CDK14: variants seen among roughly 807,000 people sequenced by gnomAD.
CDK14 encodes the protein cyclin-dependent kinase 14.
In CDK14, 34 loss-of-function variants were observed where a neutral mutation model predicts 60.7. The observed-to-expected ratio is 0.56, with a 90% CI of 0.43 to 0.75. CDK14 has a LOEUF of 0.75. CDK14 is among the 30% of genes least tolerant of loss of function. The pLI is 0.00. For missense variants in CDK14, 482 were observed against 564.1 expected (o/e 0.85, Z 1.47); for synonymous variants, 197 against 203.7 (o/e 0.97, Z 0.28).
rs143546084 is a variant in CDK14, at chr7:90,908,963, C to A, written c.703-8638C>A. On this transcript the variant is annotated intron_variant, in intron 7 of 14. Coordinates refer to ENST00000380050, the MANE Select transcript of CDK14 (RefSeq NM_001287135.2). Reference sequence around the variant, plus strand: ...ATCTCTCTCTTTTTAGTTATACTAGCCTTCTCAGTTGATATTAAGATAATT... The same window carrying A: ...ATCTCTCTCTTTTTAGTTATACTAGACTTCTCAGTTGATATTAAGATAATT... Among the ~76,000 whole-genome samples the A allele has an allele frequency of 3.3e-5, 5 of 152,194 alleles. No individual in the cohort carries two copies. In the East Asian group the frequency reaches 9.6e-4, roughly 29 times the overall value.
intron 14 of CDK14, among the ~76,000 whole-genome samples, chr7:91,146,988 C>T (rs1226016792): frequency 2.0e-5 from 3 of 152,004 alleles, no homozygotes; most frequent in African/African-American, 4.8e-5. Flanking sequence ...TGCAGGATGT[C>T]GTAATCAAAC....
intron 11 of CDK14, among the ~76,000 whole-genome samples, chr7:91,056,481 A>G (rs1380621619): frequency 1.3e-5 from 2 of 152,126 alleles, no homozygotes; most frequent in African/African-American, 4.8e-5. Flanking sequence ...ATATGTATAC[A>G]TGTGCCATGT....
At chr7:91,187,660 G>T (rs1448274359) in intron 14 of CDK14, among the ~76,000 whole-genome samples, 1 of 152,156 alleles carries the variant, frequency 6.6e-6, no homozygotes, top group Non-Finnish European at 1.5e-5. Flanking sequence ...AAAGAGAAAG[G>T]AGAACAGCTC....
rs545087119 is a variant in CDK14, at chr7:91,110,009, A to G, written c.1155-2533A>G. ...AGATTGAAAAAAGTCTCCCATCACA[A>G]TGGGAGATTGAGAACCACCACCACC... On this transcript the variant is annotated intron_variant, in intron 12 of 14. Transcript: ENST00000380050. 2.8e-3 allele frequency among the ~76,000 whole-genome samples: 421 copies of G among 152,164 alleles called. 1 individual carries two copies. Among genetic ancestry groups the G allele is most frequent in the African/African-American group, 9.6e-3 (398 of 41,548 alleles).
At chr7:91,115,274 T>TG (rs1584082181) in intron 13 of CDK14, among the ~76,000 whole-genome samples, 1 of 152,290 alleles carries the variant, frequency 6.6e-6, no homozygotes, top group East Asian at 1.9e-4. Context: ...CTCTTGGGGA[T>TG]GGGAGGTCCA....
chr7:90,698,218 T>G (rs946617943), intron 2 of CDK14, among the ~76,000 whole-genome samples: 16 of 152,174 alleles, frequency 1.1e-4, no homozygotes, highest in African/African-American at 3.9e-4. Context: ...CTACTTAAAA[T>G]TATACTGTTC....
intron 2 of CDK14, among the ~76,000 whole-genome samples, chr7:90,655,710 G>A (rs749321208): frequency 2.0e-5 from 3 of 152,154 alleles, no homozygotes; most frequent in Non-Finnish European, 4.4e-5. Context: ...CACTTCTTTG[G>A]TTGTTAACAT....
intron 12 of CDK14, among the ~76,000 whole-genome samples, chr7:91,097,919 T>C (rs192609837): frequency 1.3e-5 from 2 of 152,312 alleles, no homozygotes; most frequent in South Asian, 2.1e-4. Flanking sequence ...TTCTGTGTAA[T>C]GGGAAGAGAT....
intron 2 of CDK14, among the ~76,000 whole-genome samples, chr7:90,696,887 T>C (rs1801669072): frequency 6.6e-6 from 1 of 151,516 alleles, no homozygotes; most frequent in Admixed American, 6.6e-5. Flanking sequence ...ACTACGGGAG[T>C]GTGGTATTTG....
intron 11 of CDK14, among the ~76,000 whole-genome samples, chr7:91,078,673 T>C (rs1292087087): frequency 3.9e-5 from 6 of 152,160 alleles, no homozygotes; most frequent in African/African-American, 1.4e-4. Flanking sequence ...TAAGTGCCAA[T>C]AGAGTTTCAA....
At chr7:91,035,355 G>A (rs546573242) in intron 10 of CDK14, among the ~76,000 whole-genome samples, 6 of 152,112 alleles carry the variant, frequency 3.9e-5, no homozygotes, top group Non-Finnish European at 8.8e-5. Flanking sequence ...CCTCATAAAG[G>A]TGCTGATTCC....
chr7:91,122,608 A>G (rs892195934), intron 14 of CDK14, among the ~76,000 whole-genome samples: 2 of 152,080 alleles, frequency 1.3e-5, no homozygotes, highest in Non-Finnish European at 2.9e-5. Context: ...ATGGCGGCTC[A>G]CTTTTTCTGT....
At chr7:90,794,014 G>A (rs1805941537) in intron 5 of CDK14, among the ~76,000 whole-genome samples, 1 of 152,032 alleles carries the variant, frequency 6.6e-6, no homozygotes, top group South Asian at 2.1e-4. Context: ...AGTGTCGGAT[G>A]GTCTGAGAAA....
chr7:91,194,432 T>G (rs552606376), intron 14 of CDK14, among the ~76,000 whole-genome samples: 2 of 151,590 alleles, frequency 1.3e-5, no homozygotes, highest in East Asian at 3.9e-4. Context: ...ATTGGGCTGA[T>G]TTTTTTTTCA....
At chr7:91,092,124 G>T (rs1019689437) in intron 12 of CDK14, among the ~76,000 whole-genome samples, 19 of 152,146 alleles carry the variant, frequency 1.2e-4, no homozygotes, top group South Asian at 1.2e-3. Context: ...TGCCAATTTG[G>T]GTTTTCTTAA....
At chr7:90,669,104 A>G (rs13229547) in intron 2 of CDK14, among the ~76,000 whole-genome samples, 46,263 of 151,612 alleles carry the variant, frequency 0.31, 7,932 homozygotes, top group East Asian at 0.67. Context: ...CCACTTGTGT[A>G]CCTCATCTGC....
chr7:90,804,460 G>A (rs6465290), intron 5 of CDK14, among the ~76,000 whole-genome samples: 66,117 of 151,836 alleles, frequency 0.44, 15,187 homozygotes, highest in East Asian at 0.82. Flanking sequence ...AAATTAACAT[G>A]AATTGCTTAA....
intron 6 of CDK14, among the ~76,000 whole-genome samples, chr7:90,888,213 G>A (rs1792012343): frequency 6.6e-6 from 1 of 152,000 alleles, no homozygotes; most frequent in South Asian, 2.1e-4. Flanking sequence ...AGCTGGGCAT[G>A]GTGGCTTGTG....
At chr7:90,826,364 G>A (rs974122122) in intron 5 of CDK14, among the ~76,000 whole-genome samples, 3 of 151,988 alleles carry the variant, frequency 2.0e-5, no homozygotes, top group Admixed American at 6.6e-5. Context: ...GACTACTGGC[G>A]CCCACCCCCA....
Sources: gnomAD v4.1 joint callset for allele counts (sites outside exome capture counted in the v4.1 genomes callset) on GRCh38, gnomAD v4.1.1 for gene constraint, MANE v1.5 for transcripts, NCBI Gene and HGNC (gene_info 2026-07-23, HGNC 2026-07-21) for gene names.